The following MS4A1 variants were observed in gnomAD, a reference collection of about 807,000 sequenced individuals.
The protein encoded by MS4A1 is membrane spanning 4-domains A1, also known as B-lymphocyte antigen CD20.
In MS4A1, 16 loss-of-function variants were observed where a neutral mutation model predicts 26.5. The ratio of observed to expected loss-of-function variants is 0.60; its 90% CI spans 0.41 to 0.92. The LOEUF is 0.92. Among genes scored for constraint, MS4A1 ranks in the 40% least tolerant of loss-of-function variants. MS4A1 has a pLI of 0.00. For missense variants in MS4A1, 350 were observed against 353.0 expected (o/e 0.99, Z 0.07); for synonymous variants, 128 against 117.6 (o/e 1.09, Z -0.57).
chr11:60,468,566 C>G lies in MS4A1; in HGVS notation c.*98C>G, dbSNP rs186409966. On this transcript the variant is annotated 3_prime_UTR_variant, in exon 8 of 8. Transcript: ENST00000345732. ...CATTTCTTGAGGTACTCTGCACATACGCACCACATCTCTATCTGGCCTTTG... is the reference window on the plus strand; with the variant it reads ...CATTTCTTGAGGTACTCTGCACATAGGCACCACATCTCTATCTGGCCTTTG... 5.9e-5 allele frequency: 63 copies of G among 1,060,070 alleles called. No individual in the cohort carries two copies. In the East Asian group the frequency reaches 1.5e-3, roughly 25 times the overall value. The allele number at this position is 1,060,070 out of a possible 1,614,324, so 65.7% of individuals were successfully genotyped here.
intron 1 of MS4A1, among the ~76,000 whole-genome samples, chr11:60,458,579 G>A (rs780433467): frequency 5.9e-5 from 9 of 152,154 alleles, no homozygotes; most frequent in African/African-American, 1.9e-4. Flanking sequence ...GGCTAATGTG[G>A]TCCATAACCC....
At position 60,462,187 on chromosome 11, in the gene MS4A1, C is replaced by G; in HGVS notation, c.-188C>G. On this transcript the variant is annotated splice_region_variant and 5_prime_UTR_variant, in exon 3 of 8. Transcript: ENST00000345732. Reference sequence around the variant, plus strand: ...AACCCCTCCATCTCCTTTCTCAGAACTCAGCAGTAGGCCTTGCCTCAGATC... The same window carrying G: ...AACCCCTCCATCTCCTTTCTCAGAAGTCAGCAGTAGGCCTTGCCTCAGATC... The G allele has an allele frequency of 1.4e-6, 1 of 705,866 alleles. No individual in the cohort carries two copies. The highest frequency in any genetic ancestry group is 2.5e-6 in the Non-Finnish European group (1 of 394,810). The allele number at this position is 705,866 out of a possible 1,614,324, so 43.7% of individuals were successfully genotyped here.
Position 60,466,065 on chromosome 11 carries a change from T to G in MS4A1, c.481T>G (p.Tyr161Asp), listed in dbSNP as rs745437493. 3.1e-6 allele frequency: 5 copies of G among 1,613,984 alleles called. No homozygotes were observed. The highest frequency in any genetic ancestry group is 4.2e-6 in the Non-Finnish European group (5 of 1,179,868). ...SLNFIRAHTP[Y>D]INIYNCEPAN... ...GAATTTTATTAGAGCTCACACACCA[T>G]ATATTAACATATACAACTGTGAACC... Residue 161 changes from tyrosine to aspartate, a missense_variant, in exon 6 of 8, where the codon TAT becomes GAT. Coordinates refer to ENST00000345732, the MANE Select transcript of MS4A1 (RefSeq NM_152866.3).
In MS4A1 at chr11:60,470,247, A is replaced by C. The variant is rs1403239994; in HGVS notation, c.*1779A>C. On this transcript the variant is annotated 3_prime_UTR_variant, in exon 8 of 8. Transcript: ENST00000345732. ...GGTTCTCAAAAAAAATGTTCATGGGATAGGTCATTGATAATGGATTCCTTA... is the reference window on the plus strand; with the variant it reads ...GGTTCTCAAAAAAAATGTTCATGGGCTAGGTCATTGATAATGGATTCCTTA... The C allele has an allele frequency of 1.3e-5, 2 of 152,016 alleles. No individual in the cohort carries two copies. The highest frequency in any genetic ancestry group is 2.9e-5 in the Non-Finnish European group (2 of 67,900). 9.4% of individuals were successfully genotyped at this position (152,016 alleles called of 1,614,324 possible).
intron 1 of MS4A1, chr11:60,457,964 T>A (rs1253104960): frequency 6.6e-6 from 1 of 152,194 alleles, no homozygotes; most frequent in Non-Finnish European, 1.5e-5. Context: ...AAGGAGTATT[T>A]AGCACCTTAA....
intron 1 of MS4A1, among the ~76,000 whole-genome samples, chr11:60,459,768 C>G (rs1312497996): frequency 6.6e-6 from 1 of 152,214 alleles, no homozygotes; most frequent in Non-Finnish European, 1.5e-5. Flanking sequence ...TTTCTTCTCT[C>G]TTTCCTCTAG....
chr11:60,465,881 G>A (rs1191999148), intron 5 of MS4A1, 40 bp from the exon 6 acceptor site: 2 of 1,516,780 alleles, frequency 1.3e-6, no homozygotes, highest in African/African-American at 1.4e-5. Flanking sequence ...TTTCCAAAGG[G>A]AAATCAAACC....
chr11:60,464,404 A>G, intron 5 of MS4A1, 60 bp downstream of exon 5: 1 of 1,502,504 alleles, frequency 6.7e-7, no homozygotes, highest in Non-Finnish European at 9.3e-7. Flanking sequence ...TTTTTCGGTT[A>G]AAAACTGAGA....
In MS4A1 at chr11:60,466,166, T is replaced by C. The variant is rs748670381; in HGVS notation, c.573+9T>C. The stretch of plus-strand genomic sequence containing the variant: ...TACAATCTCTGTTCTTGGTAAGTGT[T>C]CTTGGTAAGTGTGAGATTGGATTTC... On this transcript the variant is annotated intron_variant, in intron 6 of 7. Coordinates refer to ENST00000345732, the MANE Select transcript of MS4A1 (RefSeq NM_152866.3). The C allele has an allele frequency of 1.9e-6, 3 of 1,585,876 alleles. No homozygotes were observed. The African/African-American group carries it at 4.0e-5, about 21-fold the overall frequency.
intron 1 of MS4A1, among the ~76,000 whole-genome samples, chr11:60,456,761 A>G (rs150514320): frequency 8.5e-5 from 13 of 152,290 alleles, no homozygotes; most frequent in African/African-American, 2.4e-4. Context: ...TGTTTAATCC[A>G]GCATTGTGAG....
chr11:60,467,269 C>G (rs2086300209), intron 7 of MS4A1, among the ~76,000 whole-genome samples: 1 of 146,954 alleles, frequency 6.8e-6, no homozygotes, highest in African/African-American at 2.5e-5. Flanking sequence ...GTTCTATATT[C>G]TGTGCGTCTT....
chr11:60,464,174 A>T (rs1272982165), intron 4 of MS4A1, 114 bp from the exon 5 acceptor site: 2 of 757,580 alleles, frequency 2.6e-6, no homozygotes, highest in Non-Finnish European at 4.6e-6. Context: ...AAAGTTGCTG[A>T]AAGTGTAGGC....
chr11:60,466,112 C>T lies in MS4A1; in HGVS notation c.528C>T (p.Asn176=), dbSNP rs1370085262. Residue 176 remains asparagine, a synonymous_variant, in exon 6 of 8, where the codon AAC becomes AAT. Coordinates refer to ENST00000345732, the MANE Select transcript of MS4A1 (RefSeq NM_152866.3). ...AACCAGCTAATCCCTCTGAGAAAAA[C>T]TCCCCATCTACCCAATACTGTTACA... The part of the protein sequence containing the change: ...NCEPANPSEK[N]SPSTQYCYSI... 5.0e-6 allele frequency: 8 copies of T among 1,613,498 alleles called. No individual in the cohort carries two copies. Among genetic ancestry groups the T allele is most frequent in the South Asian group, 2.2e-5 (2 of 91,066 alleles).
chr11:60,463,127 T>A lies in MS4A1; in HGVS notation c.279+6T>A. 1 of 1,613,938 alleles carries A rather than the reference T, an allele frequency of 6.2e-7. No homozygotes were observed. Among genetic ancestry groups the A allele is most frequent in the Non-Finnish European group, 8.5e-7 (1 of 1,179,978 alleles). On this transcript the variant is annotated splice_donor_region_variant and intron_variant, in intron 4 of 7. Coordinates refer to ENST00000345732, the MANE Select transcript of MS4A1 (RefSeq NM_152866.3). ...CTCTCTGGGGAGGCATTATGGTGAGTAAAAGAATAGCAGCCATTTGGGAAA... is the reference window on the plus strand; with the variant it reads ...CTCTCTGGGGAGGCATTATGGTGAGAAAAAGAATAGCAGCCATTTGGGAAA...
chr11:60,457,121 A>G (rs2086210661), intron 1 of MS4A1, among the ~76,000 whole-genome samples: 1 of 152,220 alleles, frequency 6.6e-6, no homozygotes, highest in Admixed American at 6.5e-5. Flanking sequence ...ATTCCTTGCA[A>G]TCAGGCAAGG....
rs1054512681 is a variant in MS4A1, at chr11:60,469,427, G to C, written c.*959G>C. On this transcript the variant is annotated 3_prime_UTR_variant, in exon 8 of 8. Coordinates refer to ENST00000345732, the MANE Select transcript of MS4A1 (RefSeq NM_152866.3). ...TATGAGAGCCTTGTTTCATAACCAG[G>C]TCTTCTTACTCAAATCCTGTGATGT... 1 of 152,072 alleles carries C rather than the reference G, an allele frequency of 6.6e-6. No individual in the cohort carries two copies. Among genetic ancestry groups the C allele is most frequent in the East Asian group, 1.9e-4 (1 of 5,204 alleles). The allele number at this position is 152,072 out of a possible 1,614,324, so 9.4% of individuals were successfully genotyped here. A position where few individuals can be genotyped will look rare whatever the true frequency, so the allele number is the denominator to read the frequency against.
At position 60,468,301 on chromosome 11, in the gene MS4A1, AAAG is replaced by A. The variant is rs749237438; in HGVS notation, c.734_736del (p.Glu245del). 37 of 1,613,934 alleles carry A rather than the reference AAAG, an allele frequency of 2.3e-5. No homozygotes were observed. Among genetic ancestry groups the A allele is most frequent in the South Asian group, 4.4e-5 (4 of 91,022 alleles). ...AAAAAAAGAACAGACTATTGAAATAAAAGAAGAAGTGGTTGGGCTAACTGAAAC... is the reference window on the plus strand; with the variant it reads ...AAAAAAAGAACAGACTATTGAAATAAAAGAAGTGGTTGGGCTAACTGAAAC... On this transcript the variant is annotated inframe_deletion, in exon 8 of 8. Coordinates refer to ENST00000345732, the MANE Select transcript of MS4A1 (RefSeq NM_152866.3).
intron 1 of MS4A1, among the ~76,000 whole-genome samples, chr11:60,456,169 G>A (rs1320091889): frequency 6.6e-6 from 1 of 152,052 alleles, no homozygotes; most frequent in East Asian, 1.9e-4. Context: ...AGTCAACTGT[G>A]AATCATTCCA....
chr11:60,459,483 G>T (rs1336567454), intron 1 of MS4A1, among the ~76,000 whole-genome samples: 1 of 152,162 alleles, frequency 6.6e-6, no homozygotes, highest in Non-Finnish European at 1.5e-5. Context: ...TGGCTCTGTT[G>T]CTAACTGTGA....
Sources: allele counts gnomAD v4.1 joint callset (sites outside exome capture counted in the v4.1 genomes callset), GRCh38; gene constraint gnomAD v4.1.1; transcripts MANE v1.5; gene names NCBI Gene and HGNC (gene_info 2026-07-23, HGNC 2026-07-21).